Variants in TRPC6 observed in about 807,000 individuals in gnomAD.
TRPC6 encodes the protein transient receptor potential cation channel subfamily C member 6, also known as short transient receptor potential channel 6.
In TRPC6, 55 loss-of-function variants were observed where a neutral mutation model predicts 90.7. The observed-to-expected ratio is 0.61, with a 90% CI of 0.49 to 0.76. The LOEUF (loss-of-function observed/expected upper bound fraction) is 0.76, where lower values mean the gene tolerates loss of function less well. TRPC6 is among the 30% of genes least tolerant of loss of function. TRPC6 has a pLI of 0.00. For missense variants in TRPC6, 989 were observed against 1,122.7 expected, an observed-to-expected ratio of 0.88 and a Z score of 1.70; for synonymous variants, 393 against 393.0, an observed-to-expected ratio of 1.00 and a Z score of 0.00.
At chr11:101,498,890 C>T (rs1860020235) in intron 2 of TRPC6, among the ~76,000 whole-genome samples, 1 of 148,168 alleles carries the variant, frequency 6.7e-6, no homozygotes, top group Non-Finnish European at 1.5e-5. Context: ...CCCCCTTTTA[C>T]AGTATCCAGC....
At chr11:101,542,229 C>T (rs559679960) in intron 1 of TRPC6, among the ~76,000 whole-genome samples, 5 of 152,268 alleles carry the variant, frequency 3.3e-5, no homozygotes, top group Admixed American at 2.0e-4. Context: ...CTGTTGGGCA[C>T]CTGCCTGTGG....
chr11:101,504,450 ATAACCT>A lies in TRPC6; in HGVS notation c.513_518del (p.Lys171_Tyr173delinsAsn). 1 of 1,614,126 alleles carries A rather than the reference ATAACCT, an allele frequency of 6.2e-7. No individual in the cohort carries two copies. The highest frequency in any genetic ancestry group is 8.5e-7 in the Non-Finnish European group (1 of 1,180,012). On this transcript the variant is annotated inframe_deletion, in exon 2 of 13. Coordinates refer to ENST00000344327, the MANE Select transcript of TRPC6 (RefSeq NM_004621.6). ...TGAGAATTGCTTCCACAATCCGAAC[ATAACCT>A]TTACTAATAGCTAGAAGCAAAGCAT...
At chr11:101,514,984 A>G (rs1860484045) in intron 1 of TRPC6, among the ~76,000 whole-genome samples, 2 of 152,210 alleles carry the variant, frequency 1.3e-5, no homozygotes, top group African/African-American at 4.8e-5. Context: ...TACCTGTGTC[A>G]TCCCTCTGAG....
chr11:101,561,493 T>C (rs1202346302), intron 1 of TRPC6, among the ~76,000 whole-genome samples: 1 of 152,152 alleles, frequency 6.6e-6, no homozygotes, highest in African/African-American at 2.4e-5. Flanking sequence ...TGGAAACTGT[T>C]GAGAACATTT....
intron 1 of TRPC6, among the ~76,000 whole-genome samples, chr11:101,525,995 A>G (rs954715732): frequency 1.3e-5 from 2 of 152,116 alleles, no homozygotes; most frequent in African/African-American, 4.8e-5. Context: ...AGTCCTTTGT[A>G]CTCATAGCCC....
Position 101,583,385 on chromosome 11 carries a change from T to G in TRPC6, c.119A>C (p.Glu40Ala). The G allele has an allele frequency of 4.4e-6, 7 of 1,592,728 alleles. No individual in the cohort carries two copies. Among genetic ancestry groups the G allele is most frequent in the Non-Finnish European group, 6.0e-6 (7 of 1,169,874 alleles). Residue 40 changes from glutamate to alanine, a missense_variant, in exon 1 of 13, where the codon GAA becomes GCA. This residue lies in a region of TRPC6 where 194 missense variants were observed against 136.5 expected (regional missense o/e 1.42). Coordinates refer to ENST00000344327, the MANE Select transcript of TRPC6 (RefSeq NM_004621.6). ...DYLLMDSELG[E>A]DGCPQAPLPC... ...CAGCGGGGCTTGCGGGCAGCCGTCT[T>G]CTCCCAGCTCCGAGTCCATGAGCAG...
intron 1 of TRPC6, among the ~76,000 whole-genome samples, chr11:101,513,660 CT>C (rs1860449146): frequency 6.6e-6 from 1 of 151,832 alleles, no homozygotes; most frequent in Non-Finnish European, 1.5e-5. Context: ...TTATTTTTCC[CT>C]TCTTTAAGCT....
At position 101,471,201 on chromosome 11, in the gene TRPC6, T is replaced by G. The variant is rs866820243; in HGVS notation, c.2391A>C (p.Glu797Asp). Residue 797 changes from glutamate to aspartate, a missense_variant, in exon 9 of 13, where the codon GAA (glutamate) becomes GAC (aspartate). Transcript: ENST00000344327. ...LFQGHKKGFQEDAEMNKINEE... is the reference protein window; with the variant it reads ...LFQGHKKGFQDDAEMNKINEE... ...AAGTTACCTTGTTCATCTCTGCATC[T>G]TCCTGGAAACCTTTTTTATGGCCCT... The G allele has an allele frequency of 7.4e-6, 12 of 1,613,892 alleles. No homozygotes were observed. In the Middle Eastern group the frequency reaches 2.0e-3, roughly 266 times the overall value.
At chr11:101,502,777 C>G (rs1033382592) in intron 2 of TRPC6, among the ~76,000 whole-genome samples, 1 of 152,104 alleles carries the variant, frequency 6.6e-6, no homozygotes, top group Non-Finnish European at 1.5e-5. Context: ...CAAGCACATA[C>G]TGAGCGTTTC....
intron 1 of TRPC6, among the ~76,000 whole-genome samples, chr11:101,541,568 T>C (rs1488154628): frequency 6.6e-6 from 1 of 152,070 alleles, no homozygotes; most frequent in Non-Finnish European, 1.5e-5. Flanking sequence ...TTACTGTTTC[T>C]TATAGTCTAT....
At position 101,453,745 on chromosome 11, in the gene TRPC6, G is replaced by T; in HGVS notation, c.2569-20C>A. 6.2e-7 allele frequency: 1 copy of T among 1,604,234 alleles called. No homozygotes were observed. The highest frequency in any genetic ancestry group is 2.2e-5 in the East Asian group (1 of 44,798). On this transcript the variant is annotated intron_variant, in intron 11 of 12. Coordinates refer to ENST00000344327, the MANE Select transcript of TRPC6 (RefSeq NM_004621.6). The stretch of plus-strand genomic sequence containing the variant: ...TATTTTCTAGAAAACAGAGAAAGGA[G>T]AAATCTATGTCAGTTTCAGGTTCAT...
chr11:101,572,069 C>T (rs1486991749), intron 1 of TRPC6, among the ~76,000 whole-genome samples: 1 of 152,134 alleles, frequency 6.6e-6, no homozygotes, highest in East Asian at 1.9e-4. Context: ...AAACTATCAT[C>T]AGATTGAATA....
At chr11:101,558,258 C>CATGTATATGGGTATACATGTATATAT (rs1565243245) in intron 1 of TRPC6, among the ~76,000 whole-genome samples, 3 of 133,040 alleles carry the variant, frequency 2.3e-5, no homozygotes, top group Admixed American at 2.2e-4. Context: ...TATATGTATA[C>CATGTATATGGGTATACATGTATATAT]ATGTATATGG....
chr11:101,543,063 G>C (rs889517068), intron 1 of TRPC6, among the ~76,000 whole-genome samples: 1 of 152,004 alleles, frequency 6.6e-6, no homozygotes, highest in Non-Finnish European at 1.5e-5. Flanking sequence ...AATATATAAA[G>C]AATTCTTACA....
At chr11:101,573,518 C>G (rs1862007837) in intron 1 of TRPC6, among the ~76,000 whole-genome samples, 1 of 152,114 alleles carries the variant, frequency 6.6e-6, no homozygotes, top group African/African-American at 2.4e-5. Flanking sequence ...AAAGCTAGGG[C>G]CTGGCATAGT....
At chr11:101,473,394 G>A (rs545684425) in intron 7 of TRPC6, 115 bp downstream of exon 7, 3 of 1,214,560 alleles carry the variant, frequency 2.5e-6, no homozygotes, top group South Asian at 2.8e-5. Flanking sequence ...TGCAAAACAG[G>A]AACTAGAGAT....
intron 10 of TRPC6, among the ~76,000 whole-genome samples, chr11:101,463,137 C>G (rs1056417033): frequency 6.6e-6 from 1 of 152,114 alleles, no homozygotes; most frequent in African/African-American, 2.4e-5. Context: ...GTTGAACCAG[C>G]CTTGCATCCC....
intron 1 of TRPC6, among the ~76,000 whole-genome samples, chr11:101,532,730 A>ATCC (rs1860935847): frequency 6.6e-6 from 1 of 151,912 alleles, no homozygotes; most frequent in Non-Finnish European, 1.5e-5. Flanking sequence ...AGAAAGAATT[A>ATCC]GCCAAGAGCA....
chr11:101,573,313 G>A (rs1862005107), intron 1 of TRPC6, among the ~76,000 whole-genome samples: 1 of 150,186 alleles, frequency 6.7e-6, no homozygotes, highest in Non-Finnish European at 1.5e-5. Flanking sequence ...GCGTAGAACA[G>A]TAAAGGTAAA....
Sources: allele counts gnomAD v4.1 joint callset (sites outside exome capture counted in the v4.1 genomes callset), GRCh38; gene constraint gnomAD v4.1.1; regional missense constraint gnomAD v4.1.1; transcripts MANE v1.5; gene names NCBI Gene and HGNC (gene_info 2026-07-23, HGNC 2026-07-21).